Variants in ADGB observed in about 807,000 individuals in gnomAD.
ADGB encodes calpain-7-like protein.
A neutral mutation model predicts 210.5 loss-of-function variants in ADGB; 172 were observed. That is an observed-to-expected ratio of 0.82 (90% CI 0.72 to 0.93). ADGB has a LOEUF of 0.93. ADGB is among the 40% of genes least tolerant of loss of function. The pLI is 0.00. For missense variants in ADGB, 2,025 were observed against 1,964.8 expected (o/e 1.03, Z -0.58); for synonymous variants, 658 against 662.7 (o/e 0.99, Z 0.11).
At chr6:146,694,489 G>C (rs1321044579) in intron 12 of ADGB, among the ~76,000 whole-genome samples, 2 of 151,984 alleles carry the variant, frequency 1.3e-5, no homozygotes, top group Non-Finnish European at 2.9e-5. Flanking sequence ...ATTATTTCAG[G>C]GTTTAGGATC....
intron 11 of ADGB, among the ~76,000 whole-genome samples, chr6:146,691,571 G>GCT (rs1776330019): frequency 8.8e-6 from 1 of 114,102 alleles, no homozygotes; most frequent in African/African-American, 3.9e-5. Context: ...GCAGTGGCAT[G>GCT]ATCTTGGCTC....
Position 146,644,788 on chromosome 6 carries a change from C to G in ADGB, c.253C>G (p.Pro85Ala), listed in dbSNP as rs1185073641. The G allele has an allele frequency of 3.4e-6, 5 of 1,462,674 alleles. No individual in the cohort carries two copies. Among genetic ancestry groups the G allele is most frequent in the Admixed American group, 2.6e-5 (1 of 38,658 alleles). The allele number at this position is 1,462,674 out of a possible 1,614,324, so 90.6% of individuals were successfully genotyped here. ...KSPVFHFFED[P>A]EGKIELPPSL... ...TTTTATATAGCATTTTTTTGAGGAC[C>G]CTGAAGGAAAGATTGAGTTACCACC... The change falls in exon 3 of 36, where the codon CCT (proline) becomes GCT (alanine). Residue 85 changes from proline (P) to alanine (A), a missense_variant. By Grantham distance (27) the Pro-to-Ala change is conservative. Transcript: ENST00000397944.
chr6:146,807,305 G>A (rs1324778041), intron 35 of ADGB: 4 of 1,221,168 alleles, frequency 3.3e-6, no homozygotes, highest in Admixed American at 2.8e-5. Context: ...TGAATGTGTG[G>A]GCATAAGGAC....
intron 29 of ADGB, among the ~76,000 whole-genome samples, chr6:146,773,428 C>T (rs1041281965): frequency 6.6e-6 from 1 of 151,964 alleles, no homozygotes; most frequent in African/African-American, 2.4e-5. Flanking sequence ...TGAGCACATA[C>T]AATTTTAATC....
intron 1 of ADGB, among the ~76,000 whole-genome samples, chr6:146,602,269 AC>A (rs1780567255): frequency 6.6e-6 from 1 of 152,048 alleles, no homozygotes; most frequent in African/African-American, 2.4e-5. Context: ...AATTGCTCTT[AC>A]CCCAGCATGT....
chr6:146,627,861 A>G (rs1465423295), intron 1 of ADGB, among the ~76,000 whole-genome samples: 1 of 152,080 alleles, frequency 6.6e-6, no homozygotes, highest in Admixed American at 6.6e-5. Context: ...TTACCTTGCA[A>G]TCTGAAAACT....
chr6:146,813,291 G>T (rs763809264), intron 35 of ADGB, among the ~76,000 whole-genome samples: 5 of 151,792 alleles, frequency 3.3e-5, no homozygotes, highest in Non-Finnish European at 7.4e-5. Flanking sequence ...TTACTTTAAG[G>T]CATGTTCTTC....
At chr6:146,725,881 A>T in intron 18 of ADGB, 1 of 425,930 alleles carries the variant, frequency 2.3e-6, no homozygotes, top group Non-Finnish European at 4.2e-6. Context: ...GTCCTACATA[A>T]TAAGTAAAGC....
Position 146,718,149 on chromosome 6 carries a change from C to G in ADGB, c.1992+550C>G, listed in dbSNP as rs540826456. The stretch of plus-strand genomic sequence containing the variant: ...ATCTGGGTTAAGAGTCTCAGCTTCA[C>G]CAGCCTGACCAACATGGTGAAACCC... On this transcript the variant is annotated intron_variant, in intron 16 of 35. Coordinates refer to ENST00000397944, the MANE Select transcript of ADGB (RefSeq NM_024694.4). 1.7e-3 allele frequency among the ~76,000 whole-genome samples: 254 copies of G among 152,116 alleles called. 1 individual carries two copies. Among genetic ancestry groups the G allele is most frequent in the Middle Eastern group, 3.4e-3 (1 of 294 alleles).
intron 33 of ADGB, among the ~76,000 whole-genome samples, chr6:146,790,336 C>T (rs1016832991): frequency 1.3e-5 from 2 of 152,120 alleles, no homozygotes; most frequent in African/African-American, 4.8e-5. Flanking sequence ...TTTCCCTTTC[C>T]TTGTCCACTA....
chr6:146,722,120 C>T (rs931167349), intron 17 of ADGB, among the ~76,000 whole-genome samples: 7 of 152,034 alleles, frequency 4.6e-5, no homozygotes, highest in African/African-American at 7.2e-5. Flanking sequence ...TATTGAAAAA[C>T]GAACTATTTT....
At chr6:146,681,098 G>T (rs1312918056) in intron 9 of ADGB, among the ~76,000 whole-genome samples, 1 of 152,126 alleles carries the variant, frequency 6.6e-6, no homozygotes, top group African/African-American at 2.4e-5. Flanking sequence ...CAAAAGTCCA[G>T]GATATATTTT....
intron 20 of ADGB, 108 bp from the exon 21 acceptor site, chr6:146,733,012 T>C (rs745325001): frequency 5.4e-6 from 5 of 921,922 alleles, no homozygotes; most frequent in African/African-American, 1.7e-5. Context: ...CGTGTACATC[T>C]GAGAAATGGT....
chr6:146,720,785 G>A (rs1218936375), intron 16 of ADGB, among the ~76,000 whole-genome samples: 2 of 152,094 alleles, frequency 1.3e-5, no homozygotes, highest in African/African-American at 4.8e-5. Flanking sequence ...GATCTCCTGA[G>A]AACTCCATCG....
chr6:146,809,453 C>A (rs7772319), intron 35 of ADGB, among the ~76,000 whole-genome samples: 65,738 of 151,738 alleles, frequency 0.43, 15,382 homozygotes, highest in East Asian at 0.73. Context: ...TGATCCACCC[C>A]CCTCGGCCTC....
At chr6:146,703,222 A>G (rs1350228283) in intron 13 of ADGB, among the ~76,000 whole-genome samples, 1 of 151,892 alleles carries the variant, frequency 6.6e-6, no homozygotes, top group Non-Finnish European at 1.5e-5. Context: ...TTCTAAGTTT[A>G]TCTTTTCAAT....
chr6:146,608,752 A>T (rs1350493064), intron 1 of ADGB, among the ~76,000 whole-genome samples: 1 of 151,952 alleles, frequency 6.6e-6, no homozygotes, highest in Non-Finnish European at 1.5e-5. Context: ...TGATTTCAAA[A>T]TTTTTTCAAT....
At chr6:146,678,088 T>C (rs1776108328) in intron 9 of ADGB, among the ~76,000 whole-genome samples, 1 of 152,194 alleles carries the variant, frequency 6.6e-6, no homozygotes. Context: ...TCTGATGGTG[T>C]TATAATTCAT....
rs559889074 is a variant in ADGB, at chr6:146,644,554, AT to A, written c.238-217del. On this transcript the variant is annotated intron_variant, in intron 2 of 35. Transcript: ENST00000397944. ...ATGCTACTCAACAATCAATGAGCAT[AT>A]TACATGTAATCCATGAGTATATGTT... Among the ~76,000 whole-genome samples the A allele has an allele frequency of 3.2e-4, 49 of 152,028 alleles. No homozygotes were observed. The South Asian group carries it at 8.9e-3, about 28-fold the overall frequency.
Sources: allele counts gnomAD v4.1 joint callset (sites outside exome capture counted in the v4.1 genomes callset), GRCh38; gene constraint gnomAD v4.1.1; transcripts MANE v1.5; gene names NCBI Gene and HGNC (gene_info 2026-07-23, HGNC 2026-07-21).